The following SLC25A35 variants were observed in gnomAD, a reference collection of about 807,000 sequenced individuals.
SLC25A35 encodes the protein solute carrier family 25 member 35.
Under a neutral mutation model 30.5 loss-of-function variants are expected in SLC25A35, and 32 were observed. The observed-to-expected ratio is 1.05, with a 90% CI of 0.79 to 1.41. SLC25A35 has a LOEUF of 1.41. SLC25A35 is among the 40% of genes most tolerant of loss of function. The probability of loss-of-function intolerance (pLI) is 0.00; values close to 1 mark genes in which losing one functional copy is unlikely to be tolerated. For synonymous variants in SLC25A35, 142 were observed against 158.1 expected (o/e 0.90, Z 0.77); for missense variants, 369 against 388.0 (o/e 0.95, Z 0.41).
chr17:8,291,950 G>A (rs924040954), intron 2 of SLC25A35, among the ~76,000 whole-genome samples: 6 of 152,000 alleles, frequency 3.9e-5, no homozygotes, highest in African/African-American at 1.5e-4. Flanking sequence ...TTGGGAGGCC[G>A]AGGCGGGCGG....
In SLC25A35 at chr17:8,293,663, T is replaced by C. The variant is rs536707961; in HGVS notation, c.375+770A>G. Among the ~76,000 whole-genome samples, 381 of 150,664 alleles carry C rather than the reference T, an allele frequency of 2.5e-3. 3 individuals carry two copies. Among genetic ancestry groups the C allele is most frequent in the African/African-American group, 8.9e-3 (364 of 41,042 alleles). ...GCCTCCTGGGTTTAGGCCATTCTCC[T>C]GCCTCAGCCTCCGGAGTAGCTGGGA... On this transcript the variant is annotated intron_variant, in intron 1 of 4. Transcript: ENST00000577745.
At chr17:8,289,576 T>C, downstream of SLC25A35, 1 of 1,612,974 alleles carries the variant, frequency 6.2e-7, no homozygotes, top group Non-Finnish European at 8.5e-7. Flanking sequence ...TTGCTTACCT[T>C]CAATCAGCCC....
downstream of SLC25A35, chr17:8,288,607 C>A: frequency 1.4e-6 from 1 of 714,392 alleles, no homozygotes; most frequent in East Asian, 2.7e-5. Context: ...GACCCCCGCC[C>A]CCAGGGTCTT....
rs915222421 is a variant in SLC25A35 at position 8,291,612 on chromosome 17, G to A, written c.442-127C>T. The A allele has an allele frequency of 4.5e-6, 6 of 1,325,568 alleles. No homozygotes were observed. The African/African-American group carries it at 7.4e-5, about 16-fold the overall frequency. 82.1% of individuals were successfully genotyped at this position (1,325,568 alleles called of 1,614,324 possible). On this transcript the variant is annotated intron_variant, in intron 2 of 4. Transcript: ENST00000577745. ...AGACAACCAGTTCAATGTGGGCTTA[G>A]AGCCAGAATGTGGGCCCTTGGTTGT...
intron 3 of SLC25A35, 140 bp from the exon 4 acceptor site, chr17:8,291,116 G>A (rs1458651536): frequency 7.5e-7 from 1 of 1,335,570 alleles, no homozygotes; most frequent in Non-Finnish European, 1.0e-6. Context: ...CAAAAACAGT[G>A]AGAAGGAGGA....
chr17:8,295,104 G>A lies in SLC25A35; in HGVS notation c.-297C>T. 13 of 1,136,214 alleles carry A rather than the reference G, an allele frequency of 1.1e-5. No homozygotes were observed. The highest frequency in any genetic ancestry group is 3.2e-5 in the South Asian group (1 of 30,958). 70.4% of individuals were successfully genotyped at this position (1,136,214 alleles called of 1,614,324 possible). A position where few individuals can be genotyped will look rare whatever the true frequency, so the allele number is the denominator to read the frequency against. ...AGGGGCAAAAGACAGAAGGTTGCAGGTGGGATGGCTCAGGATGGCGGGCGA... is the reference window on the plus strand; with the variant it reads ...AGGGGCAAAAGACAGAAGGTTGCAGATGGGATGGCTCAGGATGGCGGGCGA... On this transcript the variant is annotated 5_prime_UTR_variant, in exon 1 of 5. Coordinates refer to ENST00000577745, the MANE Select transcript of SLC25A35 (RefSeq NM_001320870.2).
downstream of SLC25A35, chr17:8,288,389 G>C (rs2151607036): frequency 3.3e-6 from 1 of 298,738 alleles, no homozygotes; most frequent in Non-Finnish European, 6.6e-6. Context: ...TGCAGTGAGC[G>C]GTGATCGCGC....
intron 1 of SLC25A35, among the ~76,000 whole-genome samples, 174 bp downstream of exon 1, chr17:8,294,259 G>C (rs1990711380): frequency 6.6e-6 from 1 of 152,176 alleles, no homozygotes; most frequent in African/African-American, 2.4e-5. Context: ...GTGTCCATCA[G>C]ATGGGTGTGT....
chr17:8,292,969 A>C (rs74716306), intron 1 of SLC25A35, among the ~76,000 whole-genome samples: 3,288 of 152,252 alleles, frequency 0.022, 139 homozygotes, highest in African/African-American at 0.074. Flanking sequence ...CACTTCTATC[A>C]GGCTCCCCAT....
downstream of SLC25A35, chr17:8,289,226 T>C (rs1388248565): frequency 6.2e-7 from 1 of 1,611,012 alleles, no homozygotes; most frequent in Admixed American, 1.7e-5. Flanking sequence ...CGACCAGAGA[T>C]GTCCCTTCCT....
At chr17:8,292,205 A>C (rs1990561997) in intron 2 of SLC25A35, among the ~76,000 whole-genome samples, 1 of 151,840 alleles carries the variant, frequency 6.6e-6, no homozygotes, top group African/African-American at 2.4e-5. Flanking sequence ...AAAACAAAAA[A>C]AATTTAGCTG....
chr17:8,291,645 C>T (rs1470150579), intron 2 of SLC25A35, among the ~76,000 whole-genome samples, 160 bp from the exon 3 acceptor site: 3 of 152,204 alleles, frequency 2.0e-5, no homozygotes, highest in Non-Finnish European at 4.4e-5. Flanking sequence ...TGTCTAGCCA[C>T]CCCATTGTTC....
chr17:8,290,848 C>T lies in SLC25A35; in HGVS notation c.723G>A (p.Gln241=). ...TRLYNQPTDA[Q]GKGLMYRGIL... is the part of the protein sequence containing the mutation. ...TCCCAGAGCACTTCCTTACCTTGCC[C>T]TGTGCATCTGTGGGCTGGTTGTAGA... The change falls in exon 4 of 5, where the codon CAG becomes CAA. Residue 241 remains glutamine, a synonymous_variant. Coordinates refer to ENST00000577745, the MANE Select transcript of SLC25A35 (RefSeq NM_001320870.2). 6.2e-7 allele frequency: 1 copy of T among 1,613,930 alleles called. No homozygotes were observed. Among genetic ancestry groups the T allele is most frequent in the Middle Eastern group, 1.7e-4 (1 of 6,056 alleles).
rs903374748 is a variant in SLC25A35 at position 8,294,871 on chromosome 17, G to A, written c.-64C>T. On this transcript the variant is annotated 5_prime_UTR_variant, in exon 1 of 5. Transcript: ENST00000577745. The stretch of plus-strand genomic sequence containing the variant: ...AAAGTAAAAATGGGTGTCAGAAAGC[G>A]GGGTTGGAAGACAGGGGGAAGGCCT... The A allele has an allele frequency of 4.6e-6, 7 of 1,514,352 alleles. No homozygotes were observed. In the African/African-American group the frequency reaches 8.4e-5, roughly 18 times the overall value. The allele number at this position is 1,514,352 out of a possible 1,614,324, so 93.8% of individuals were successfully genotyped here.
At chr17:8,291,274 C>A (rs1220876445) in intron 3 of SLC25A35, 59 bp downstream of exon 3, 2 of 1,597,052 alleles carry the variant, frequency 1.3e-6, no homozygotes, top group Non-Finnish European at 1.7e-6. Flanking sequence ...GGGCCTAGTG[C>A]AGCTTGCCCT....
intron 2 of SLC25A35, 114 bp downstream of exon 2, chr17:8,292,409 A>T (rs1244854613): frequency 1.9e-6 from 2 of 1,047,608 alleles, no homozygotes; most frequent in African/African-American, 3.1e-5. Context: ...AATGGGACAG[A>T]ACCGATGGGT....
At chr17:8,289,050 G>C, downstream of SLC25A35, 2 of 1,613,836 alleles carry the variant, frequency 1.2e-6, no homozygotes, top group Non-Finnish European at 1.7e-6. Flanking sequence ...GCAGGCCCAC[G>C]TACGGGGCGA....
chr17:8,289,459 G>A (rs757829081), downstream of SLC25A35: 3 of 1,614,096 alleles, frequency 1.9e-6, no homozygotes, highest in East Asian at 2.2e-5. Context: ...GCGGTAGCGG[G>A]GACGCAGAGA....
chr17:8,294,414 G>A lies in SLC25A35; in HGVS notation c.375+19C>T. ...CGAGGATCTGCCCTGAAGGTCCCAG[G>A]CAAGAGCCCTCTTCTTACCATGTAG... On this transcript the variant is annotated intron_variant, in intron 1 of 4. Coordinates refer to ENST00000577745, the MANE Select transcript of SLC25A35 (RefSeq NM_001320870.2). 1 of 1,542,396 alleles carries A rather than the reference G, an allele frequency of 6.5e-7. No homozygotes were observed.
Sources: allele counts gnomAD v4.1 joint callset (sites outside exome capture counted in the v4.1 genomes callset), GRCh38; gene constraint gnomAD v4.1.1; transcripts MANE v1.5; gene names NCBI Gene and HGNC (gene_info 2026-07-23, HGNC 2026-07-21).